The following PAH variants were observed in gnomAD, a reference collection of about 807,000 sequenced individuals.
PAH encodes the protein phenylalanine-4-hydroxylase.
Under a neutral mutation model 62.0 loss-of-function variants are expected in PAH, and 64 were observed. That is an observed-to-expected ratio of 1.03 (90% CI 0.84 to 1.27). The LOEUF (loss-of-function observed/expected upper bound fraction) is 1.27, where lower values mean the gene tolerates loss of function less well. PAH is among the 50% of genes most tolerant of loss of function. PAH has a pLI of 0.00. For missense variants in PAH, 579 were observed against 542.8 expected (o/e 1.07, Z -0.66); for synonymous variants, 195 against 196.2 (o/e 0.99, Z 0.05).
rs1182277046 is a variant in PAH at position 102,868,126 on chromosome 12, GTATATATATA to G, written c.442-1473_442-1464del. ...TATACACATATATATACATATATGT[GTATATATATA>G]TATATATATATATATATACACATAT... On this transcript the variant is annotated intron_variant, in intron 4 of 12. Transcript: ENST00000553106. Among the ~76,000 whole-genome samples, 11 of 6,450 alleles carry G rather than the reference GTATATATATA, an allele frequency of 1.7e-3. 2 individuals are homozygous for G. Among genetic ancestry groups the G allele is most frequent in the African/African-American group, 2.3e-3 (8 of 3,456 alleles). 4.2% of individuals were successfully genotyped at this position (6,450 alleles called of 152,430 possible). A position where few individuals can be genotyped will look rare whatever the true frequency, so the allele number is the denominator to read the frequency against.
At chr12:102,873,227 T>C (rs1412143012) in intron 4 of PAH, among the ~76,000 whole-genome samples, 1 of 152,226 alleles carries the variant, frequency 6.6e-6, no homozygotes, top group Non-Finnish European at 1.5e-5. Flanking sequence ...TTCCCCCATC[T>C]TCTTTGCAGT....
intron 4 of PAH, among the ~76,000 whole-genome samples, chr12:102,874,695 G>A (rs867187603): frequency 3.3e-5 from 5 of 152,324 alleles, no homozygotes; most frequent in Middle Eastern, 6.8e-3. Flanking sequence ...AGGAAAGGAA[G>A]GAGACTGGGA....
chr12:102,891,788 G>T (rs1252236668), intron 3 of PAH, among the ~76,000 whole-genome samples: 2 of 152,100 alleles, frequency 1.3e-5, no homozygotes, highest in African/African-American at 4.8e-5. Flanking sequence ...CAGGCTGCCG[G>T]CTCTCCAGCT....
chr12:102,957,434 GCAA>G lies in PAH; in HGVS notation c.-96+758_-96+760del, dbSNP rs1355157782. 6.6e-6 allele frequency among the ~76,000 whole-genome samples: 1 copy of G among 151,842 alleles called. No homozygotes were observed. Among genetic ancestry groups the G allele is most frequent in the Non-Finnish European group, 1.5e-5 (1 of 67,968 alleles). ...CCGGCACGCGCCAGGCGCACGCACT[GCAA>G]CAACAAACCCAGCTGAATGGAGAGT... On this transcript the variant is annotated intron_variant, in intron 1 of 4. Transcript: ENST00000551337. This position sits in a 1 kb window ranked among gnomAD's most constrained non-coding sequence, Gnocchi z 4.1.
chr12:102,922,206 T>G (rs1878565883), upstream of PAH, among the ~76,000 whole-genome samples: 1 of 150,950 alleles, frequency 6.6e-6, no homozygotes, highest in Non-Finnish European at 1.5e-5. Flanking sequence ...TTTTTTTTTT[T>G]TTTTTTGAGA....
intron 4 of PAH, among the ~76,000 whole-genome samples, chr12:102,867,931 G>GTATATATACATGTATATACATATATA (rs1876067057): frequency 7.6e-6 from 1 of 131,434 alleles, no homozygotes; most frequent in African/African-American, 2.6e-5. Context: ...ATATATAGAT[G>GTATATATACATGTATATACATATATA]TATATATACA....
In PAH at chr12:102,913,158, C is replaced by T. The variant is rs113823118; in HGVS notation, c.61-260G>A. ...TTATTCATTGATGTCACCATTCAAT[C>T]CTGTAAATTCAATACCTTTTATTGA... On this transcript the variant is annotated intron_variant, in intron 1 of 12. Coordinates refer to ENST00000553106, the MANE Select transcript of PAH (RefSeq NM_000277.3). Among the ~76,000 whole-genome samples, 1,247 of 152,260 alleles carry T rather than the reference C, an allele frequency of 8.2e-3. 25 individuals are homozygous for T. The highest frequency in any genetic ancestry group is 0.029 in the African/African-American group (1,213 of 41,546).
chr12:102,908,849 T>A (rs888338306), intron 2 of PAH, among the ~76,000 whole-genome samples: 5 of 149,866 alleles, frequency 3.3e-5, no homozygotes, highest in African/African-American at 1.2e-4. Flanking sequence ...TTTTTTTTTT[T>A]TTTTTTTTTG....
chr12:102,855,073 C>T (rs770900518), intron 6 of PAH, 63 bp downstream of exon 6: 4 of 1,347,826 alleles, frequency 3.0e-6, no homozygotes, highest in Non-Finnish European at 4.3e-6. Flanking sequence ...TTCCCCTTCC[C>T]TCTCCTCTGC....
chr12:102,856,518 A>G (rs1473487148), intron 5 of PAH, among the ~76,000 whole-genome samples: 1 of 152,180 alleles, frequency 6.6e-6, no homozygotes, highest in Non-Finnish European at 1.5e-5. Flanking sequence ...GAGATCTGAG[A>G]ACGTACAGAC....
chr12:102,870,754 C>A (rs921365549), intron 4 of PAH, among the ~76,000 whole-genome samples: 9 of 152,170 alleles, frequency 5.9e-5, no homozygotes, highest in South Asian at 2.1e-4. Context: ...ACAAAAGGTT[C>A]AAACTGGCAT....
Position 102,940,421 on chromosome 12 carries a change from C to T in PAH, c.-96+10168G>A, listed in dbSNP as rs1362248601. Among the ~76,000 whole-genome samples the T allele has an allele frequency of 2.6e-5, 4 of 152,256 alleles. No individual in the cohort carries two copies. The East Asian group carries it at 5.8e-4, about 22-fold the overall frequency. Reference sequence around the variant, plus strand: ...AAAGCTGAAACCCAATCCAAAGAATCTAAGGAATTCAGTAAAATGATTCAA... The same window carrying T: ...AAAGCTGAAACCCAATCCAAAGAATTTAAGGAATTCAGTAAAATGATTCAA... On this transcript the variant is annotated intron_variant, in intron 1 of 3. Transcript: ENST00000546844.
chr12:102,885,330 C>G (rs568256993), intron 3 of PAH, among the ~76,000 whole-genome samples: 1 of 152,246 alleles, frequency 6.6e-6, no homozygotes, highest in African/African-American at 2.4e-5. Flanking sequence ...CTGACCCCAG[C>G]GACCCAGGCC....
At chr12:102,846,745 T>A in intron 9 of PAH, 150 bp downstream of exon 9, 1 of 686,640 alleles carries the variant, frequency 1.5e-6, no homozygotes, top group Non-Finnish European at 2.7e-6. Flanking sequence ...TCTATCAAAA[T>A]GTGAAGTTTC....
intron 3 of PAH, among the ~76,000 whole-genome samples, chr12:102,878,150 G>T (rs1205192435): frequency 6.6e-6 from 1 of 152,110 alleles, no homozygotes. Flanking sequence ...TTACATATAG[G>T]CCCAAAATAT....
intron 11 of PAH, among the ~76,000 whole-genome samples, chr12:102,841,189 C>CACTG (rs1056719787): frequency 3.9e-5 from 6 of 152,206 alleles, no homozygotes; most frequent in African/African-American, 1.4e-4. Flanking sequence ...GGCAGTCTGA[C>CACTG]ACTGGCCTGG....
intron 2 of PAH, among the ~76,000 whole-genome samples, chr12:102,896,676 G>A (rs1458898645): frequency 6.6e-6 from 1 of 152,138 alleles, no homozygotes; most frequent in Non-Finnish European, 1.5e-5. Flanking sequence ...TATGAGAAGA[G>A]TTTGTGGGTA....
chr12:102,848,440 A>G (rs1331675895), intron 8 of PAH, among the ~76,000 whole-genome samples: 1 of 142,124 alleles, frequency 7.0e-6, no homozygotes, highest in Non-Finnish European at 1.6e-5. Flanking sequence ...TTGAGGATAG[A>G]CAGGACACCA....
At chr12:102,941,535 A>G (rs2136762784) in intron 1 of PAH, among the ~76,000 whole-genome samples, 1 of 152,296 alleles carries the variant, frequency 6.6e-6, no homozygotes, top group South Asian at 2.1e-4. Flanking sequence ...CAGACTTTAA[A>G]CCAACAATGA....
Sources: allele counts gnomAD v4.1 joint callset (sites outside exome capture counted in the v4.1 genomes callset), GRCh38; gene constraint gnomAD v4.1.1; non-coding constraint Gnocchi (gnomAD v3.1); transcripts MANE v1.5; gene names NCBI Gene and HGNC (gene_info 2026-07-23, HGNC 2026-07-21).